Variants in XPR1 observed in about 807,000 individuals in gnomAD.
XPR1 encodes the protein xenotropic and polytropic retrovirus receptor 1.
Under a neutral mutation model 87.5 loss-of-function variants are expected in XPR1, and 28 were observed. The observed-to-expected ratio is 0.32, with a 90% CI of 0.24 to 0.44. The LOEUF (loss-of-function observed/expected upper bound fraction) is 0.44, where lower values mean the gene tolerates loss of function less well. Ranked by LOEUF, XPR1 falls within the 20% of genes least tolerant of loss-of-function variation. XPR1 has a pLI of 1.00. For synonymous variants in XPR1, 300 were observed against 306.1 expected (o/e 0.98, Z 0.21); for missense variants, 559 against 862.3 (o/e 0.65, Z 4.41).
intron 1 of XPR1, among the ~76,000 whole-genome samples, chr1:180,644,165 C>G (rs1655039196): frequency 6.6e-6 from 1 of 152,090 alleles, no homozygotes; most frequent in Non-Finnish European, 1.5e-5. Context: ...TGTCACCAAG[C>G]TGTGAAGGGA....
At chr1:180,775,161 T>C (rs1648664778) in intron 2 of XPR1, among the ~76,000 whole-genome samples, 1 of 152,230 alleles carries the variant, frequency 6.6e-6, no homozygotes, top group Non-Finnish European at 1.5e-5. Context: ...CATATATGCT[T>C]GGCAGTTTGG....
chr1:180,829,591 T>C (rs1479430012), intron 9 of XPR1, among the ~76,000 whole-genome samples: 1 of 152,234 alleles, frequency 6.6e-6, no homozygotes, highest in African/African-American at 2.4e-5. Context: ...CTCTATAATA[T>C]GGTGCTATAA....
chr1:180,648,635 T>TTC (rs944113461), intron 1 of XPR1, among the ~76,000 whole-genome samples: 3 of 152,106 alleles, frequency 2.0e-5, no homozygotes, highest in Admixed American at 2.0e-4. Flanking sequence ...GCCTCCTGAG[T>TTC]AGCTGTGATT....
chr1:180,726,591 A>G (rs1235883845), intron 2 of XPR1, among the ~76,000 whole-genome samples: 3 of 152,216 alleles, frequency 2.0e-5, no homozygotes, highest in Non-Finnish European at 2.9e-5. Context: ...AAAACTGTTT[A>G]CATAATAATA....
intron 11 of XPR1, among the ~76,000 whole-genome samples, chr1:180,849,023 T>C (rs1651780605): frequency 6.6e-6 from 1 of 152,298 alleles, no homozygotes; most frequent in Admixed American, 6.5e-5. Context: ...ACTTCCTAAG[T>C]ATAGCAAAAT....
At chr1:180,659,608 C>CT (rs1655695465) in intron 1 of XPR1, among the ~76,000 whole-genome samples, 1 of 133,122 alleles carries the variant, frequency 7.5e-6, no homozygotes, top group South Asian at 2.8e-4. Context: ...CCCCACCCCC[C>CT]GCCGGGTTCA....
intron 9 of XPR1, among the ~76,000 whole-genome samples, chr1:180,830,553 G>A (rs1246815291): frequency 6.6e-6 from 1 of 152,136 alleles, no homozygotes; most frequent in Non-Finnish European, 1.5e-5. Context: ...TGAGAAGAGA[G>A]TTACAGATTC....
chr1:180,777,699 A>G (rs975557243), intron 2 of XPR1, among the ~76,000 whole-genome samples: 5 of 152,220 alleles, frequency 3.3e-5, no homozygotes, highest in Admixed American at 2.6e-4. Context: ...AAGAATTTCA[A>G]GTTAGTTATT....
chr1:180,835,437 A>T (rs1354727817), intron 10 of XPR1, among the ~76,000 whole-genome samples: 1 of 152,158 alleles, frequency 6.6e-6, no homozygotes, highest in Non-Finnish European at 1.5e-5. Flanking sequence ...TTTGAGAGTA[A>T]CTACAGATTG....
intron 7 of XPR1, among the ~76,000 whole-genome samples, chr1:180,821,480 G>A (rs1324270519): frequency 2.0e-5 from 3 of 152,226 alleles, no homozygotes; most frequent in East Asian, 3.9e-4. Context: ...AAATGACAAA[G>A]TATGAGTCCC....
chr1:180,645,879 A>G (rs536801374), intron 1 of XPR1, among the ~76,000 whole-genome samples: 1 of 152,220 alleles, frequency 6.6e-6, no homozygotes, highest in Non-Finnish European at 1.5e-5. Flanking sequence ...CCGTCTAGTC[A>G]TGGCAGCTGC....
chr1:180,874,904 T>C (rs1034213838), intron 13 of XPR1, among the ~76,000 whole-genome samples: 1 of 152,232 alleles, frequency 6.6e-6, no homozygotes. Flanking sequence ...AAGCAAAAGC[T>C]GGCGTTGCTA....
chr1:180,834,180 CA>C (rs1651186611), intron 9 of XPR1, among the ~76,000 whole-genome samples: 1 of 151,786 alleles, frequency 6.6e-6, no homozygotes, highest in Non-Finnish European at 1.5e-5. Context: ...CTCCCAGGTT[CA>C]AGCAATTCTC....
chr1:180,800,757 G>A (rs564666005), intron 3 of XPR1, among the ~76,000 whole-genome samples: 2 of 152,296 alleles, frequency 1.3e-5, no homozygotes, highest in East Asian at 3.9e-4. Flanking sequence ...AAATAGACAC[G>A]AGGCCCTTTG....
intron 3 of XPR1, among the ~76,000 whole-genome samples, chr1:180,801,245 C>T (rs1037997260): frequency 1.3e-5 from 2 of 152,162 alleles, no homozygotes; most frequent in Non-Finnish European, 2.9e-5. Flanking sequence ...AAACATAGAG[C>T]TTTTTAAGGA....
intron 6 of XPR1, among the ~76,000 whole-genome samples, chr1:180,811,121 A>G (rs539372403): frequency 1.3e-5 from 2 of 152,148 alleles, no homozygotes; most frequent in African/African-American, 4.8e-5. Context: ...TACACGGTTG[A>G]TTCCTCGAGT....
chr1:180,756,127 C>T (rs1647728343), intron 2 of XPR1, among the ~76,000 whole-genome samples: 1 of 152,226 alleles, frequency 6.6e-6, no homozygotes, highest in African/African-American at 2.4e-5. Flanking sequence ...AATAGAGCAT[C>T]ACTTCTGTGA....
intron 1 of XPR1, among the ~76,000 whole-genome samples, chr1:180,634,936 C>T (rs1301732215): frequency 2.0e-5 from 3 of 151,946 alleles, no homozygotes; most frequent in East Asian, 1.9e-4. Flanking sequence ...TTCCCGGGCT[C>T]GCTCTTCTTC....
At chr1:180,874,082 G>C in intron 13 of XPR1, 140 bp downstream of exon 13, 1 of 1,081,194 alleles carries the variant, frequency 9.2e-7, no homozygotes, top group African/African-American at 1.6e-5. Context: ...CTCAGCCTTA[G>C]AATTGGAAAA....
Sources: gnomAD v4.1 joint callset for allele counts (sites outside exome capture counted in the v4.1 genomes callset) on GRCh38, gnomAD v4.1.1 for gene constraint, MANE v1.5 for transcripts, NCBI Gene and HGNC (gene_info 2026-07-23, HGNC 2026-07-21) for gene names.